Variants in CCDC73 observed in about 807,000 individuals in gnomAD.
CCDC73 encodes the protein coiled-coil domain containing 73.
Under a neutral mutation model 116.5 loss-of-function variants are expected in CCDC73, and 95 were observed. The ratio of observed to expected loss-of-function variants is 0.82; its 90% CI spans 0.69 to 0.97. The LOEUF is 0.97. Ranked by LOEUF, CCDC73 falls within the 50% of genes least tolerant of loss-of-function variation. The pLI, the probability that CCDC73 is intolerant of heterozygous loss-of-function variation, is 0.00. For missense variants in CCDC73, 1,066 were observed against 1,206.8 expected, an observed-to-expected ratio of 0.88 and a Z score of 1.73; for synonymous variants, 398 against 401.3, an observed-to-expected ratio of 0.99 and a Z score of 0.10.
intron 1 of CCDC73, among the ~76,000 whole-genome samples, chr11:32,793,875 T>A (rs1465219539): frequency 6.6e-6 from 1 of 152,112 alleles, no homozygotes; most frequent in Non-Finnish European, 1.5e-5. Flanking sequence ...CCTCCCAAAG[T>A]GCTGGGACTA....
At chr11:32,730,646 A>T (rs951223680) in intron 2 of CCDC73, among the ~76,000 whole-genome samples, 1 of 151,912 alleles carries the variant, frequency 6.6e-6, no homozygotes, top group East Asian at 1.9e-4. Flanking sequence ...TTTTCTGTGT[A>T]TTCATCCTAC....
the CCDC73 span, among the ~76,000 whole-genome samples, chr11:32,802,131 G>C: frequency 3.9e-5 from 6 of 152,066 alleles, 1 homozygote; most frequent in Admixed American, 3.9e-4. Context: ...CTATAAAAAA[G>C]ATATTTTCTA....
chr11:32,663,316 A>AT (rs1855948596), intron 9 of CCDC73, among the ~76,000 whole-genome samples: 2 of 152,242 alleles, frequency 1.3e-5, no homozygotes, highest in Non-Finnish European at 2.9e-5. Context: ...ATCCATGAGC[A>AT]TGGAATGTTG....
intron 2 of CCDC73, among the ~76,000 whole-genome samples, chr11:32,757,594 G>A (rs1350331858): frequency 1.3e-5 from 2 of 152,060 alleles, no homozygotes; most frequent in Non-Finnish European, 2.9e-5. Context: ...TCTGCAGGGC[G>A]GCATACCTTC....
At chr11:32,821,390 T>C in the CCDC73 span, among the ~76,000 whole-genome samples, 1 of 152,224 alleles carries the variant, frequency 6.6e-6, no homozygotes, top group East Asian at 1.9e-4. Flanking sequence ...TAAGTGGTTC[T>C]TCAGAGGTCA....
chr11:32,633,141 C>T (rs1297762615), intron 14 of CCDC73, among the ~76,000 whole-genome samples: 1 of 152,112 alleles, frequency 6.6e-6, no homozygotes, highest in Non-Finnish European at 1.5e-5. Context: ...GCAATCTCTG[C>T]CTCCCAGGTT....
At chr11:32,623,969 C>T (rs1018645250) in intron 14 of CCDC73, among the ~76,000 whole-genome samples, 1 of 152,044 alleles carries the variant, frequency 6.6e-6, no homozygotes, top group Non-Finnish European at 1.5e-5. Flanking sequence ...AAGACAGGTA[C>T]TCATACATGG....
chr11:32,746,343 C>T (rs1850239411), intron 2 of CCDC73, among the ~76,000 whole-genome samples: 1 of 152,210 alleles, frequency 6.6e-6, no homozygotes, highest in African/African-American at 2.4e-5. Context: ...ACCTTTCTTT[C>T]TGGCTGCCCT....
chr11:32,661,301 G>A (rs576689358), intron 9 of CCDC73, among the ~76,000 whole-genome samples: 79 of 152,106 alleles, frequency 5.2e-4, no homozygotes, highest in African/African-American at 1.7e-3. Context: ...GGAGTGAATC[G>A]ACAATTTTTT....
intron 1 of CCDC73, among the ~76,000 whole-genome samples, chr11:32,781,941 T>C (rs12276553): frequency 0.012 from 1,817 of 152,228 alleles, 36 homozygotes; most frequent in African/African-American, 0.041. Flanking sequence ...CGAGAGCAAG[T>C]GAAGCTTCAT....
At chr11:32,673,585 A>G (rs1032992214) in intron 9 of CCDC73, among the ~76,000 whole-genome samples, 6 of 152,296 alleles carry the variant, frequency 3.9e-5, no homozygotes, top group Non-Finnish European at 7.4e-5. Flanking sequence ...CAACTAAAAA[A>G]TATAGGTGAG....
intron 10 of CCDC73, among the ~76,000 whole-genome samples, 171 bp downstream of exon 10, chr11:32,654,673 C>G (rs987957329): frequency 6.6e-6 from 1 of 152,160 alleles, no homozygotes; most frequent in Non-Finnish European, 1.5e-5. Context: ...CTAGCCAAAT[C>G]TTATTGTCCT....
chr11:32,808,557 C>T, the CCDC73 span, among the ~76,000 whole-genome samples: 2 of 151,680 alleles, frequency 1.3e-5, no homozygotes, highest in Non-Finnish European at 2.9e-5. Context: ...GAGAATCGCT[C>T]GAACCTGGGA....
At chr11:32,625,359 C>T (rs1023161193) in intron 14 of CCDC73, among the ~76,000 whole-genome samples, 13 of 152,066 alleles carry the variant, frequency 8.5e-5, no homozygotes, top group African/African-American at 3.1e-4. Flanking sequence ...TAGTTGATGC[C>T]GTTTCTTCCT....
intron 1 of CCDC73, among the ~76,000 whole-genome samples, chr11:32,779,576 T>C (rs1850565059): frequency 6.6e-6 from 1 of 152,206 alleles, no homozygotes; most frequent in African/African-American, 2.4e-5. Flanking sequence ...TACTTCCTTG[T>C]ATCTTTTTCC....
chr11:32,766,452 G>A (rs1410168963), intron 1 of CCDC73, among the ~76,000 whole-genome samples: 1 of 152,150 alleles, frequency 6.6e-6, no homozygotes, highest in African/African-American at 2.4e-5. Context: ...TGGAAGTTCT[G>A]GCCAGGGCAA....
At chr11:32,711,380 G>A (rs1257022251) in intron 3 of CCDC73, among the ~76,000 whole-genome samples, 1 of 152,124 alleles carries the variant, frequency 6.6e-6, no homozygotes, top group Non-Finnish European at 1.5e-5. Context: ...GCAAAAATAT[G>A]GAACCAGTCC....
intron 2 of CCDC73, among the ~76,000 whole-genome samples, chr11:32,738,112 A>T (rs978765437): frequency 5.9e-5 from 9 of 152,204 alleles, no homozygotes; most frequent in African/African-American, 2.2e-4. Flanking sequence ...ATTTACAGAC[A>T]CTTAGGTTGC....
chr11:32,609,584 AC>A (rs1412499164), intron 17 of CCDC73, among the ~76,000 whole-genome samples: 5 of 149,952 alleles, frequency 3.3e-5, no homozygotes, highest in Admixed American at 2.7e-4. Context: ...TTGGCCTGTT[AC>A]CCAGTTCCAA....
Sources: gnomAD v4.1 joint callset for allele counts (sites outside exome capture counted in the v4.1 genomes callset) on GRCh38, gnomAD v4.1.1 for gene constraint, MANE v1.5 for transcripts, NCBI Gene and HGNC (gene_info 2026-07-23, HGNC 2026-07-21) for gene names.